GRID1: variants seen among roughly 807,000 people sequenced by gnomAD.
GRID1 encodes the protein glutamate receptor ionotropic, delta-1.
A neutral mutation model predicts 98.0 loss-of-function variants in GRID1; 28 were observed. The ratio of observed to expected loss-of-function variants is 0.29; its 90% CI spans 0.21 to 0.39. The LOEUF is 0.39. Among genes scored for constraint, GRID1 ranks in the 10% least tolerant of loss-of-function variants. The pLI, the probability that GRID1 is intolerant of heterozygous loss-of-function variation, is 1.00. For missense variants in GRID1, 1,111 were observed against 1,340.5 expected (o/e 0.83, Z 2.67); for synonymous variants, 553 against 538.5 (o/e 1.03, Z -0.37).
At chr10:85,902,267 C>T (rs1263563727) in intron 5 of GRID1, among the ~76,000 whole-genome samples, 1 of 152,140 alleles carries the variant, frequency 6.6e-6, no homozygotes, top group Non-Finnish European at 1.5e-5. Context: ...GTGGTGCATA[C>T]AGTGTGGAGA....
At chr10:86,088,196 C>T (rs556752614) in intron 4 of GRID1, among the ~76,000 whole-genome samples, 41 of 152,250 alleles carry the variant, frequency 2.7e-4, no homozygotes, top group African/African-American at 9.9e-4. Flanking sequence ...TAAAGGAAGG[C>T]TTACATCTTT....
intron 4 of GRID1, among the ~76,000 whole-genome samples, chr10:86,031,837 A>T (rs1843189808): frequency 1.3e-5 from 2 of 152,168 alleles, no homozygotes; most frequent in Non-Finnish European, 2.9e-5. Context: ...CCTGTTGCTG[A>T]GGTGTTTCTT....
At chr10:86,273,159 G>A (rs933448752) in intron 2 of GRID1, among the ~76,000 whole-genome samples, 29 of 151,588 alleles carry the variant, frequency 1.9e-4, no homozygotes, top group Middle Eastern at 3.4e-3. Flanking sequence ...GAGAACATGC[G>A]GTGTTTGGTT....
intron 2 of GRID1, among the ~76,000 whole-genome samples, chr10:86,342,584 C>T (rs1205317864): frequency 6.6e-6 from 1 of 152,228 alleles, no homozygotes; most frequent in African/African-American, 2.4e-5. Flanking sequence ...CTGGCCATGC[C>T]CCCAGGACGG....
intron 5 of GRID1, among the ~76,000 whole-genome samples, chr10:85,882,543 G>A (rs997255343): frequency 2.0e-5 from 3 of 152,078 alleles, no homozygotes; most frequent in South Asian, 2.1e-4. Context: ...AACACCGCAT[G>A]TTCTCACTCA....
chr10:85,709,475 A>G (rs935611253), intron 12 of GRID1, among the ~76,000 whole-genome samples: 1 of 152,216 alleles, frequency 6.6e-6, no homozygotes, highest in Non-Finnish European at 1.5e-5. Flanking sequence ...CATATAGGGC[A>G]ATAAATTAAA....
intron 4 of GRID1, among the ~76,000 whole-genome samples, chr10:86,008,048 A>G (rs542316165): frequency 2.0e-4 from 30 of 152,304 alleles, no homozygotes; most frequent in African/African-American, 5.8e-4. Flanking sequence ...GTATGGGCTT[A>G]AAGAAATAAG....
At chr10:85,808,768 A>T (rs974596409) in intron 8 of GRID1, among the ~76,000 whole-genome samples, 1 of 152,182 alleles carries the variant, frequency 6.6e-6, no homozygotes, top group African/African-American at 2.4e-5. Context: ...AATCAGACAA[A>T]ACTAACATAA....
intron 2 of GRID1, among the ~76,000 whole-genome samples, chr10:86,221,466 C>T (rs1846253380): frequency 6.6e-6 from 1 of 152,208 alleles, no homozygotes; most frequent in Admixed American, 6.5e-5. Flanking sequence ...CAGGCCCCAG[C>T]AAAGGCTATC....
intron 8 of GRID1, among the ~76,000 whole-genome samples, chr10:85,775,495 T>TA (rs1195719929): frequency 1.3e-5 from 2 of 151,328 alleles, no homozygotes; most frequent in South Asian, 2.1e-4. Flanking sequence ...AAATAAAATT[T>TA]AAAAAAAAGA....
At chr10:85,633,315 C>T (rs1409208360) in intron 13 of GRID1, among the ~76,000 whole-genome samples, 2 of 152,156 alleles carry the variant, frequency 1.3e-5, no homozygotes, top group Non-Finnish European at 2.9e-5. Context: ...TTAATTTTCC[C>T]AAGATCTCAC....
intron 4 of GRID1, among the ~76,000 whole-genome samples, chr10:85,930,455 G>C (rs1210846348): frequency 6.6e-6 from 1 of 151,570 alleles, no homozygotes; most frequent in Non-Finnish European, 1.5e-5. Context: ...AACAAAATAA[G>C]CTTTCCATTT....
intron 4 of GRID1, among the ~76,000 whole-genome samples, chr10:86,066,744 A>C (rs1843725073): frequency 6.6e-6 from 1 of 152,206 alleles, no homozygotes; most frequent in African/African-American, 2.4e-5. Flanking sequence ...CCATTGCCTA[A>C]GTTAGGAGGC....
intron 4 of GRID1, among the ~76,000 whole-genome samples, chr10:85,940,733 G>T (rs1843693859): frequency 6.6e-6 from 1 of 152,226 alleles, no homozygotes; most frequent in Non-Finnish European, 1.5e-5. Flanking sequence ...TTCTGTGGAG[G>T]TTCTGTTAAA....
intron 2 of GRID1, among the ~76,000 whole-genome samples, chr10:86,217,333 A>G (rs1846189789): frequency 6.6e-6 from 1 of 152,260 alleles, no homozygotes; most frequent in African/African-American, 2.4e-5. Flanking sequence ...TAACAGTCCC[A>G]CCTCCTAGGG....
intron 4 of GRID1, among the ~76,000 whole-genome samples, chr10:86,107,574 A>C (rs1844410056): frequency 6.6e-6 from 1 of 152,184 alleles, no homozygotes; most frequent in African/African-American, 2.4e-5. Context: ...ACCTAAGTGA[A>C]GACAGGCATT....
chr10:86,177,726 A>G (rs1440106765), intron 3 of GRID1, among the ~76,000 whole-genome samples: 4 of 151,936 alleles, frequency 2.6e-5, no homozygotes, highest in Admixed American at 2.0e-4. Context: ...CAGTGTGTGT[A>G]TATGTGCATG....
rs375699798 is a variant in GRID1 at position 85,613,479 on chromosome 10, G to C, written c.2529C>G (p.Leu843=). The part of the protein sequence containing the change: ...GVFCILAIGL[L]LACLVAALEL... ...CCAGGGCAGCCACCAGGCAGGCCAG[G>C]AGCAGGCCAATGGCCAGGATGCAGA... The change falls in exon 15 of 16, where the codon CTC becomes CTG. Residue 843 remains leucine (L), a synonymous_variant. Coordinates refer to ENST00000327946, the MANE Select transcript of GRID1 (RefSeq NM_017551.3). The C allele has an allele frequency of 3.1e-6, 5 of 1,613,980 alleles. No homozygotes were observed. In the African/African-American group the frequency reaches 5.3e-5, roughly 17 times the overall value.
chr10:86,330,604 G>A lies in GRID1; in HGVS notation c.235+33337C>T, dbSNP rs926775452. Among the ~76,000 whole-genome samples, 26 of 152,290 alleles carry A rather than the reference G, an allele frequency of 1.7e-4. 1 individual carries two copies. In the South Asian group the frequency reaches 1.9e-3, roughly 11 times the overall value. On this transcript the variant is annotated intron_variant, in intron 2 of 15. Transcript: ENST00000327946. ...TGCCCCAACCACAGGCTGCCATCAG[G>A]ATCCGTCCCCACAGCGCCGAGCAGC...
Sources: gnomAD v4.1 joint callset for allele counts (sites outside exome capture counted in the v4.1 genomes callset) on GRCh38, gnomAD v4.1.1 for gene constraint, MANE v1.5 for transcripts, NCBI Gene and HGNC (gene_info 2026-07-23, HGNC 2026-07-21) for gene names.